OR2M5: variants seen among roughly 807,000 people sequenced by gnomAD.
OR2M5 encodes the protein olfactory receptor 2M5.
For missense variants in OR2M5, 413 were observed against 389.3 expected, an observed-to-expected ratio of 1.06 and a Z score of -0.51; for synonymous variants, 164 against 139.6, an observed-to-expected ratio of 1.18 and a Z score of -1.23.
rs1304736644 is a variant in OR2M5, at chr1:248,145,583, G to A, written c.436G>A (p.Ala146Thr). The change falls in exon 1 of 1, where the codon GCC becomes ACC. Residue 146 changes from alanine to threonine, a missense_variant. Coordinates refer to ENST00000366476, the MANE Select transcript of OR2M5 (RefSeq NM_001004690.1). ...ACCCAAAATTTGTGGACTTATGACT[G>A]CCTTCTCCTGGATCCTGGGCTCTAT... ...MRPKICGLMT[A>T]FSWILGSMDA... is the part of the protein sequence containing the mutation. 1 of 1,613,604 alleles carries A rather than the reference G, an allele frequency of 6.2e-7. No individual in the cohort carries two copies. The highest frequency in any genetic ancestry group is 8.5e-7 in the Non-Finnish European group (1 of 1,179,820).
Position 248,145,890 on chromosome 1 carries a change from T to C in OR2M5, c.743T>C (p.Val248Ala), listed in dbSNP as rs575346910. Residue 248 changes from valine (V) to alanine (A), a missense_variant, in exon 1 of 1, where the codon GTG becomes GCG. Val to Ala is a moderately conservative substitution (Grantham distance 64). Transcript: ENST00000366476. ...ACCTGTTCCTCTCACCTCATGGTGG[T>C]GGGAATGTACTATGGAGCAGGTTTG... ...FTTCSSHLMV[V>A]GMYYGAGLFM... The C allele has an allele frequency of 6.2e-7, 1 of 1,613,910 alleles. No individual in the cohort carries two copies. Among genetic ancestry groups the C allele is most frequent in the East Asian group, 2.2e-5 (1 of 44,864 alleles).
Position 248,145,659 on chromosome 1 carries a change from C to A in OR2M5, c.512C>A (p.Ser171Tyr), listed in dbSNP as rs1572764739. The A allele has an allele frequency of 1.2e-6, 2 of 1,613,774 alleles. No homozygotes were observed. The highest frequency in any genetic ancestry group is 8.5e-7 in the Non-Finnish European group (1 of 1,179,790). The change falls in exon 1 of 1, where the codon TCT (serine) becomes TAT (tyrosine). Residue 171 changes from serine to tyrosine, a missense_variant. Physicochemically the swap from Ser to Tyr is moderately radical, Grantham distance 144 (BLOSUM62 -2). Coordinates refer to ENST00000366476, the MANE Select transcript of OR2M5 (RefSeq NM_001004690.1). ...VATFSFSYCG[S>Y]REIAHFFCDF... ...ACATTTTCCTTCTCCTACTGTGGGT[C>A]TCGGGAAATAGCCCACTTCTTCTGT...
rs1665417941 is a variant in OR2M5 at position 248,145,673 on chromosome 1, C to A, written c.526C>A (p.His176Asn). The part of the protein sequence containing the change: ...FSYCGSREIA[H>N]FFCDFPSLLI... ...CTACTGTGGGTCTCGGGAAATAGCC[C>A]ACTTCTTCTGTGACTTCCCTTCCCT... The change falls in exon 1 of 1, where the codon CAC becomes AAC. Residue 176 changes from histidine to asparagine, a missense_variant. Physicochemically the swap from His to Asn is moderately conservative, Grantham distance 68. Coordinates refer to ENST00000366476, the MANE Select transcript of OR2M5 (RefSeq NM_001004690.1). 1 of 1,613,732 alleles carries A rather than the reference C, an allele frequency of 6.2e-7. No individual in the cohort carries two copies. The highest frequency in any genetic ancestry group is 1.7e-5 in the Admixed American group (1 of 59,976).
Position 248,145,473 on chromosome 1 carries a change from G to T in OR2M5, c.326G>T (p.Gly109Val), listed in dbSNP as rs749457510. 4 of 1,613,820 alleles carry T rather than the reference G, an allele frequency of 2.5e-6. No homozygotes were observed. Among genetic ancestry groups the T allele is most frequent in the Admixed American group, 3.3e-5 (2 of 59,970 alleles). The change falls in exon 1 of 1, where the codon GGC becomes GTC. Residue 109 changes from glycine to valine, a missense_variant. Coordinates refer to ENST00000366476, the MANE Select transcript of OR2M5 (RefSeq NM_001004690.1). ...ATTTTCTTCTATGTATCACTGCTTG[G>T]CTCCGAATGCTTTCTGTTGGCTGTT... The part of the protein sequence containing the change: ...TQIFFYVSLL[G>V]SECFLLAVMS...
rs1665426899 is a variant in OR2M5 at position 248,146,045 on chromosome 1, G to A, written c.898G>A (p.Ala300Thr). Residue 300 changes from alanine (A) to threonine (T), a missense_variant, in exon 1 of 1, where the codon GCA becomes ACA. By Grantham distance (58) the Ala-to-Thr change is moderately conservative. Coordinates refer to ENST00000366476, the MANE Select transcript of OR2M5 (RefSeq NM_001004690.1). ...CCTCCGCAACAAGGAGGTGACCAGA[G>A]CACTCAGGAAAGTGTTAGGAAAGGG... ...YSLRNKEVTR[A>T]LRKVLGKGKC... The A allele has an allele frequency of 6.2e-7, 1 of 1,613,514 alleles. No homozygotes were observed. The highest frequency in any genetic ancestry group is 8.5e-7 in the Non-Finnish European group (1 of 1,179,788).
At position 248,145,431 on chromosome 1, in the gene OR2M5, C is replaced by A. The variant is rs1235017547; in HGVS notation, c.284C>A (p.Ala95Asp). 1 of 1,614,078 alleles carries A rather than the reference C, an allele frequency of 6.2e-7. No individual in the cohort carries two copies. Reference protein sequence around the residue: ...YLSGSKSISMAGCATQIFFYV... With the variant: ...YLSGSKSISMDGCATQIFFYV... ...TCTGGCAGCAAGTCCATTTCTATGGCTGGTTGTGCCACACAAATTTTCTTC... is the reference window on the plus strand; with the variant it reads ...TCTGGCAGCAAGTCCATTTCTATGGATGGTTGTGCCACACAAATTTTCTTC... The change falls in exon 1 of 1, where the codon GCT becomes GAT. Residue 95 changes from alanine to aspartate, a missense_variant. Coordinates refer to ENST00000366476, the MANE Select transcript of OR2M5 (RefSeq NM_001004690.1).
At position 248,145,485 on chromosome 1, in the gene OR2M5, T is replaced by C. The variant is rs1665413922; in HGVS notation, c.338T>C (p.Phe113Ser). The C allele has an allele frequency of 4.3e-6, 7 of 1,613,916 alleles. No homozygotes were observed. Among genetic ancestry groups the C allele is most frequent in the Middle Eastern group, 1.6e-4 (1 of 6,084 alleles). Reference sequence around the variant, plus strand: ...GTATCACTGCTTGGCTCCGAATGCTTTCTGTTGGCTGTTATGTCTTATGAC... The same window carrying C: ...GTATCACTGCTTGGCTCCGAATGCTCTCTGTTGGCTGTTATGTCTTATGAC... Reference protein sequence around the residue: ...FYVSLLGSECFLLAVMSYDRY... With the variant: ...FYVSLLGSECSLLAVMSYDRY... Residue 113 changes from phenylalanine (F) to serine (S), a missense_variant, in exon 1 of 1, where the codon TTT (phenylalanine) becomes TCT (serine). Physicochemically the swap from Phe to Ser is radical, Grantham distance 155. Coordinates refer to ENST00000366476, the MANE Select transcript of OR2M5 (RefSeq NM_001004690.1).
Position 248,145,939 on chromosome 1 carries a change from T to C in OR2M5, c.792T>C (p.Ser264=). The C allele has an allele frequency of 6.2e-7, 1 of 1,614,000 alleles. No individual in the cohort carries two copies. Among genetic ancestry groups the C allele is most frequent in the African/African-American group, 1.3e-5 (1 of 75,014 alleles). ...AGLFMYIRPT[S]DRSPMQDKLV... ...TGTTCATGTACATACGGCCCACATCTGATCGCTCCCCTATGCAGGACAAGC... is the reference window on the plus strand; with the variant it reads ...TGTTCATGTACATACGGCCCACATCCGATCGCTCCCCTATGCAGGACAAGC... The change falls in exon 1 of 1, where the codon TCT becomes TCC. Residue 264 remains serine (S), a synonymous_variant. Transcript: ENST00000366476.
chr1:248,145,956 A>C lies in OR2M5; in HGVS notation c.809A>C (p.Gln270Pro). ...CCCACATCTGATCGCTCCCCTATGC[A>C]GGACAAGCTGGTGTCTGTATTCTAC... ...IRPTSDRSPM[Q>P]DKLVSVFYTI... is the part of the protein sequence containing the mutation. Residue 270 changes from glutamine (Q) to proline (P), a missense_variant, in exon 1 of 1, where the codon CAG (glutamine) becomes CCG (proline). Transcript: ENST00000366476. 6.2e-7 allele frequency: 1 copy of C among 1,613,928 alleles called. No homozygotes were observed. Among genetic ancestry groups the C allele is most frequent in the South Asian group, 1.1e-5 (1 of 91,078 alleles).
chr1:248,145,856 G>T lies in OR2M5; in HGVS notation c.709G>T (p.Ala237Ser), dbSNP rs370739680. ...HMGSGEGRRK[A>S]FTTCSSHLMV... ...GGGATCTGGAGAGGGTCGTCGCAAA[G>T]CTTTTACTACCTGTTCCTCTCACCT... Residue 237 changes from alanine (A) to serine (S), a missense_variant, in exon 1 of 1, where the codon GCT (alanine) becomes TCT (serine). By Grantham distance (99) the Ala-to-Ser change is moderately conservative. Coordinates refer to ENST00000366476, the MANE Select transcript of OR2M5 (RefSeq NM_001004690.1). The T allele has an allele frequency of 9.9e-6, 16 of 1,613,500 alleles. No homozygotes were observed. Among genetic ancestry groups the T allele is most frequent in the Middle Eastern group, 1.7e-4 (1 of 5,728 alleles).
rs770885124 is a variant in OR2M5 at position 248,145,461 on chromosome 1, TATCA to T, written c.315_318del (p.Ser106CysfsTer24). ...TGTGCCACACAAATTTTCTTCTATG[TATCA>T]CTGCTTGGCTCCGAATGCTTTCTGT... On this transcript the variant is annotated frameshift_variant, in exon 1 of 1. Transcript: ENST00000366476. LOFTEE classifies it low-confidence loss of function (END_TRUNC). The T allele has an allele frequency of 2.5e-6, 4 of 1,614,086 alleles. No individual in the cohort carries two copies. In the East Asian group the frequency reaches 8.9e-5, roughly 36 times the overall value.
chr1:248,145,716 A>G lies in OR2M5; in HGVS notation c.569A>G (p.Asn190Ser), dbSNP rs777068681. The change falls in exon 1 of 1, where the codon AAT (asparagine) becomes AGT (serine). Residue 190 changes from asparagine to serine, a missense_variant. Coordinates refer to ENST00000366476, the MANE Select transcript of OR2M5 (RefSeq NM_001004690.1). ...CCTTCCCTACTAATCCTCTCATGCA[A>G]TGACACATCAATATTTGAAAAGGTT... The part of the protein sequence containing the change: ...DFPSLLILSC[N>S]DTSIFEKVLF... 19 of 1,613,722 alleles carry G rather than the reference A, an allele frequency of 1.2e-5. No homozygotes were observed. The East Asian group carries it at 2.0e-4, about 17-fold the overall frequency.
Position 248,145,832 on chromosome 1 carries a change from G to T in OR2M5, c.685G>T (p.Gly229Ter). Residue 229 changes from glycine (G) to a stop codon, truncating the protein, a stop_gained, in exon 1 of 1, where the codon GGA becomes TGA. Coordinates refer to ENST00000366476, the MANE Select transcript of OR2M5 (RefSeq NM_001004690.1). LOFTEE classifies it low-confidence loss of function (END_TRUNC). ...AGTTATTCTGGCTGTCATTCACATG[G>T]GATCTGGAGAGGGTCGTCGCAAAGC... ...ARVILAVIHM[G>*]SGEGRRKAFT... The T allele has an allele frequency of 6.2e-7, 1 of 1,613,176 alleles. No individual in the cohort carries two copies. The highest frequency in any genetic ancestry group is 8.5e-7 in the Non-Finnish European group (1 of 1,179,794).
rs983631844 is a variant in OR2M5, at chr1:248,145,729, A to T, written c.582A>T (p.Ile194=). The change falls in exon 1 of 1, where the codon ATA becomes ATT. Residue 194 remains isoleucine (I), a synonymous_variant. Transcript: ENST00000366476. ...TCCTCTCATGCAATGACACATCAATATTTGAAAAGGTTCTTTTCATCTGCT... is the reference window on the plus strand; with the variant it reads ...TCCTCTCATGCAATGACACATCAATTTTTGAAAAGGTTCTTTTCATCTGCT... The part of the protein sequence containing the change: ...LLILSCNDTS[I]FEKVLFICCI... The T allele has an allele frequency of 1.9e-6, 3 of 1,613,728 alleles. No individual in the cohort carries two copies. Among genetic ancestry groups the T allele is most frequent in the Non-Finnish European group, 2.5e-6 (3 of 1,179,802 alleles).
chr1:248,146,000 C>T lies in OR2M5; in HGVS notation c.853C>T (p.Leu285=), dbSNP rs755221755. Reference sequence around the variant, plus strand: ...ATTCTACACCATCCTCACTCCCATGCTGAATCCCCTCATCTACAGCCTCCG... The same window carrying T: ...ATTCTACACCATCCTCACTCCCATGTTGAATCCCCTCATCTACAGCCTCCG... ...SVFYTILTPM[L]NPLIYSLRNK... is the part of the protein sequence containing the mutation. The change falls in exon 1 of 1, where the codon CTG becomes TTG. Residue 285 remains leucine, a synonymous_variant. Transcript: ENST00000366476. 5 of 1,613,814 alleles carry T rather than the reference C, an allele frequency of 3.1e-6. No homozygotes were observed. The highest frequency in any genetic ancestry group is 3.3e-5 in the Admixed American group (2 of 59,952).
chr1:248,145,594 G>T lies in OR2M5; in HGVS notation c.447G>T (p.Trp149Cys), dbSNP rs1486013335. ...GTGGACTTATGACTGCCTTCTCCTG[G>T]ATCCTGGGCTCTATGGATGCAATCA... ...KICGLMTAFSWILGSMDAIID... is the reference protein window; with the variant it reads ...KICGLMTAFSCILGSMDAIID... Residue 149 changes from tryptophan (W) to cysteine (C), a missense_variant, in exon 1 of 1, where the codon TGG (tryptophan) becomes TGT (cysteine). Transcript: ENST00000366476. The T allele has an allele frequency of 1.2e-6, 2 of 1,613,642 alleles. No individual in the cohort carries two copies. Among genetic ancestry groups the T allele is most frequent in the Admixed American group, 3.3e-5 (2 of 59,982 alleles).
Position 248,145,878 on chromosome 1 carries a change from AC to A in OR2M5, c.733del (p.Leu245SerfsTer41), listed in dbSNP as rs760262593. ...AAAGCTTTTACTACCTGTTCCTCTC[AC>A]CTCATGGTGGTGGGAATGTACTATG... ...RRKAFTTCSS[H>X]LMVVGMYYGA... On this transcript the variant is annotated frameshift_variant, in exon 1 of 1. Coordinates refer to ENST00000366476, the MANE Select transcript of OR2M5 (RefSeq NM_001004690.1). LOFTEE classifies it low-confidence loss of function (END_TRUNC). 1 of 1,613,444 alleles carries A rather than the reference AC, an allele frequency of 6.2e-7. No homozygotes were observed. Among genetic ancestry groups the A allele is most frequent in the South Asian group, 1.1e-5 (1 of 91,024 alleles).
Position 248,146,009 on chromosome 1 carries a change from C to T in OR2M5, c.862C>T (p.Leu288Phe), listed in dbSNP as rs770621946. 2.5e-6 allele frequency: 4 copies of T among 1,613,760 alleles called. No homozygotes were observed. The South Asian group carries it at 3.3e-5, about 13-fold the overall frequency. Reference protein sequence around the residue: ...YTILTPMLNPLIYSLRNKEVT... With the variant: ...YTILTPMLNPFIYSLRNKEVT... Reference sequence around the variant, plus strand: ...CATCCTCACTCCCATGCTGAATCCCCTCATCTACAGCCTCCGCAACAAGGA... The same window carrying T: ...CATCCTCACTCCCATGCTGAATCCCTTCATCTACAGCCTCCGCAACAAGGA... Residue 288 changes from leucine (L) to phenylalanine (F), a missense_variant, in exon 1 of 1, where the codon CTC (leucine) becomes TTC (phenylalanine). Leu to Phe is a conservative substitution (Grantham distance 22). Coordinates refer to ENST00000366476, the MANE Select transcript of OR2M5 (RefSeq NM_001004690.1).
Position 248,145,324 on chromosome 1 carries a change from G to A in OR2M5, c.177G>A (p.Met59Ile), listed in dbSNP as rs753481965. The stretch of plus-strand genomic sequence containing the variant: ...TGGACACCCAGCTCCACACCCCCAT[G>A]TACTTCCTCCTCAGTCAACTGTTCC... Reference protein sequence around the residue: ...IYLDTQLHTPMYFLLSQLFLM... With the variant: ...IYLDTQLHTPIYFLLSQLFLM... Residue 59 changes from methionine (M) to isoleucine (I), a missense_variant, in exon 1 of 1, where the codon ATG (methionine) becomes ATA (isoleucine). Physicochemically the swap from Met to Ile is conservative, Grantham distance 10. Transcript: ENST00000366476. 6.2e-7 allele frequency: 1 copy of A among 1,613,926 alleles called. No individual in the cohort carries two copies. The highest frequency in any genetic ancestry group is 8.5e-7 in the Non-Finnish European group (1 of 1,179,946).
Sources: gnomAD v4.1 joint callset for allele counts on GRCh38, gnomAD v4.1.1 for gene constraint, MANE v1.5 for transcripts, NCBI Gene and HGNC (gene_info 2026-07-23, HGNC 2026-07-21) for gene names.